Variants in RIMS1 observed in about 807,000 individuals in gnomAD.
RIMS1 encodes the protein regulating synaptic membrane exocytosis protein 1.
In RIMS1, 83 loss-of-function variants were observed where a neutral mutation model predicts 214.1. The observed-to-expected ratio is 0.39, with a 90% CI of 0.32 to 0.47. RIMS1 has a LOEUF of 0.47. Among genes scored for constraint, RIMS1 ranks in the 20% least tolerant of loss-of-function variants. The pLI is 0.99. For missense variants in RIMS1, 2,050 were observed against 2,161.8 expected (o/e 0.95, Z 1.03); for synonymous variants, 793 against 786.8 (o/e 1.01, Z -0.13).
In RIMS1 at chr6:71,988,930, T is replaced by C. The variant is rs145449528; in HGVS notation, c.245+19867T>C. On this transcript the variant is annotated intron_variant, in intron 2 of 33. Transcript: ENST00000521978. ...TATATACATGCCTAAGTGGGACTGA[T>C]TCAGATTATTAAACAATTTTTAAAC... Among the ~76,000 whole-genome samples, 332 of 152,272 alleles carry C rather than the reference T, an allele frequency of 2.2e-3. 1 individual carries two copies. Among genetic ancestry groups the C allele is most frequent in the African/African-American group, 7.6e-3 (314 of 41,542 alleles).
intron 29 of RIMS1, among the ~76,000 whole-genome samples, chr6:72,335,324 T>C (rs946036464): frequency 1.3e-5 from 2 of 151,832 alleles, no homozygotes; most frequent in African/African-American, 4.8e-5. Flanking sequence ...GTGAGAACAT[T>C]TAGTGTTTGG....
At chr6:72,386,769 A>C (rs1236394113) in intron 29 of RIMS1, among the ~76,000 whole-genome samples, 3 of 125,736 alleles carry the variant, frequency 2.4e-5, no homozygotes, top group Non-Finnish European at 3.2e-5. Flanking sequence ...AGTCTTGATC[A>C]GTTGCCCAGG....
At chr6:72,250,286 G>A in intron 12 of RIMS1, 44 bp from the exon 13 acceptor site, 1 of 1,563,518 alleles carries the variant, frequency 6.4e-7, no homozygotes, top group Non-Finnish European at 8.6e-7. Flanking sequence ...AAATTGTAAT[G>A]CCTCATGATT....
Position 72,259,120 on chromosome 6 carries a change from C to T in RIMS1, c.3053+9C>T. ...TTATCAGAACAAGACAGGTATTTGTCAAAATTATGATCTCAACGTTATGAA... is the reference window on the plus strand; with the variant it reads ...TTATCAGAACAAGACAGGTATTTGTTAAAATTATGATCTCAACGTTATGAA... On this transcript the variant is annotated intron_variant, in intron 18 of 33. Transcript: ENST00000521978. 1 of 1,609,298 alleles carries T rather than the reference C, an allele frequency of 6.2e-7. No homozygotes were observed. The highest frequency in any genetic ancestry group is 8.5e-7 in the Non-Finnish European group (1 of 1,176,886).
At chr6:72,210,237 G>A (rs1289725689) in intron 6 of RIMS1, among the ~76,000 whole-genome samples, 2 of 152,152 alleles carry the variant, frequency 1.3e-5, no homozygotes, top group East Asian at 1.9e-4. Context: ...GATAATGCAA[G>A]CATTTTTCCA....
rs1767888873 is a variant in RIMS1 at position 71,886,810 on chromosome 6, T to C, written c.-214T>C. 3.4e-6 allele frequency: 2 copies of C among 588,872 alleles called. No homozygotes were observed. The highest frequency in any genetic ancestry group is 6.1e-5 in the Admixed American group (2 of 32,614). The allele number at this position is 588,872 out of a possible 1,614,324, so 36.5% of individuals were successfully genotyped here. On this transcript the variant is annotated 5_prime_UTR_variant, in exon 1 of 34. Coordinates refer to ENST00000521978, the MANE Select transcript of RIMS1 (RefSeq NM_014989.7). The stretch of plus-strand genomic sequence containing the variant: ...TAGGGCGACCAAAACAAAGGCAGCA[T>C]CCGGGGCTGGGTGGATGCAAACAAC...
chr6:71,923,697 G>A (rs1163403863), intron 1 of RIMS1, among the ~76,000 whole-genome samples: 2 of 151,982 alleles, frequency 1.3e-5, no homozygotes, highest in African/African-American at 4.8e-5. Context: ...CTCCCGAGTA[G>A]CTGGGATTAC....
intron 11 of RIMS1, among the ~76,000 whole-genome samples, chr6:72,246,781 A>G (rs990490134): frequency 6.6e-6 from 1 of 152,208 alleles, no homozygotes; most frequent in African/African-American, 2.4e-5. Context: ...TATTATTGAT[A>G]TGATTAAAAA....
chr6:72,385,410 CTT>C (rs2098575313), intron 29 of RIMS1, among the ~76,000 whole-genome samples: 1 of 152,254 alleles, frequency 6.6e-6, no homozygotes, highest in African/African-American at 2.4e-5. Flanking sequence ...TTTTAACAAA[CTT>C]TTACAAACTA....
In RIMS1 at chr6:72,003,661, G is replaced by A. The variant is rs183398491; in HGVS notation, c.245+34598G>A. On this transcript the variant is annotated intron_variant, in intron 2 of 33. Transcript: ENST00000521978. Reference sequence around the variant, plus strand: ...GTCTGTGTGTGTGATAAGAATTTACGTAGACTCTCTACCTAAAGTATCCCT... The same window carrying A: ...GTCTGTGTGTGTGATAAGAATTTACATAGACTCTCTACCTAAAGTATCCCT... Among the ~76,000 whole-genome samples the A allele has an allele frequency of 3.5e-4, 53 of 151,768 alleles. No individual in the cohort carries two copies. The East Asian group carries it at 9.9e-3, about 28-fold the overall frequency.
At chr6:72,352,983 CTTTTTTTTTTTTTT>C (rs70994123) in intron 29 of RIMS1, among the ~76,000 whole-genome samples, 1 of 88,288 alleles carries the variant, frequency 1.1e-5, no homozygotes, top group Admixed American at 1.5e-4. Context: ...ATTCTTTTTT[CTTTTTTTTTTTTTT>C]TTTTTTTTTT....
rs1835117702 is a variant in RIMS1 at position 72,088,030 on chromosome 6, A to T, written c.246-8919A>T. On this transcript the variant is annotated intron_variant, in intron 2 of 33. Coordinates refer to ENST00000521978, the MANE Select transcript of RIMS1 (RefSeq NM_014989.7). ...AAATGATTTTTTTCCTCACAAATTG[A>T]TGTATGTGGTCTGCTACTACAGGCT... Among the ~76,000 whole-genome samples, 7 of 152,160 alleles carry T rather than the reference A, an allele frequency of 4.6e-5. No individual in the cohort carries two copies. In the South Asian group the frequency reaches 1.5e-3, roughly 32 times the overall value.
At chr6:72,310,237 A>G (rs1344807306) in intron 27 of RIMS1, among the ~76,000 whole-genome samples, 2 of 152,110 alleles carry the variant, frequency 1.3e-5, no homozygotes, top group African/African-American at 2.4e-5. Context: ...AGGGCAAAAC[A>G]TTGTCAGACA....
At chr6:72,204,010 A>T (rs1269435091) in intron 6 of RIMS1, among the ~76,000 whole-genome samples, 1 of 152,192 alleles carries the variant, frequency 6.6e-6, no homozygotes, top group Non-Finnish European at 1.5e-5. Context: ...ATCCAAAATG[A>T]TTTAACTTAT....
At chr6:72,118,720 A>C (rs572964943) in intron 4 of RIMS1, among the ~76,000 whole-genome samples, 1 of 151,954 alleles carries the variant, frequency 6.6e-6, no homozygotes, top group African/African-American at 2.4e-5. Context: ...GTAAAACAAA[A>C]ATCATATGAT....
At chr6:72,207,646 T>A (rs2053157634) in intron 6 of RIMS1, among the ~76,000 whole-genome samples, 2 of 152,154 alleles carry the variant, frequency 1.3e-5, no homozygotes, top group South Asian at 4.1e-4. Flanking sequence ...CAAATCAGAT[T>A]TAAAACTGTC....
chr6:72,233,804 C>T lies in RIMS1; in HGVS notation c.1710C>T (p.Ala570=). The change falls in exon 7 of 34, where the codon GCC becomes GCT. Residue 570 remains alanine, a synonymous_variant. Transcript: ENST00000521978. ...TGGATTATTACTGGTTGGATCCTGC[C>T]ACGTGGCACAGCCGGGAGACATCAC... ...GDLDYYWLDP[A]TWHSRETSPI... 1 of 1,581,330 alleles carries T rather than the reference C, an allele frequency of 6.3e-7. No homozygotes were observed. The highest frequency in any genetic ancestry group is 8.6e-7 in the Non-Finnish European group (1 of 1,161,476).
intron 28 of RIMS1, among the ~76,000 whole-genome samples, chr6:72,327,331 A>G (rs998588325): frequency 3.3e-5 from 5 of 151,918 alleles, no homozygotes; most frequent in South Asian, 2.1e-4. Context: ...ACCTATCAGT[A>G]TGAGGTCCCC....
intron 1 of RIMS1, among the ~76,000 whole-genome samples, chr6:71,892,295 C>A (rs1461305706): frequency 6.6e-6 from 1 of 152,212 alleles, no homozygotes; most frequent in Non-Finnish European, 1.5e-5. Context: ...ATTTTACTCA[C>A]CCAGGCTCAC....
Sources: gnomAD v4.1 joint callset for allele counts (sites outside exome capture counted in the v4.1 genomes callset) on GRCh38, gnomAD v4.1.1 for gene constraint, MANE v1.5 for transcripts, NCBI Gene and HGNC (gene_info 2026-07-23, HGNC 2026-07-21) for gene names.